Variants in PSKH2 observed in about 807,000 individuals in gnomAD.
PSKH2 encodes the protein protein serine kinase H2.
PSKH2 carries 16 observed loss-of-function variants against 22.5 expected under a neutral mutation model. The observed-to-expected ratio is 0.71, with a 90% CI of 0.48 to 1.08. The LOEUF (loss-of-function observed/expected upper bound fraction) is 1.08. PSKH2 is among the 50% of genes least tolerant of loss of function. The pLI, the probability that PSKH2 is intolerant of heterozygous loss-of-function variation, is 0.00. For missense variants in PSKH2, 516 were observed against 492.8 expected, an observed-to-expected ratio of 1.05 and a Z score of -0.44; for synonymous variants, 188 against 184.8, an observed-to-expected ratio of 1.02 and a Z score of -0.14.
intron 2 of PSKH2, among the ~76,000 whole-genome samples, chr8:86,057,490 G>T (rs1055696208): frequency 6.6e-6 from 1 of 151,948 alleles, no homozygotes; most frequent in South Asian, 2.1e-4. Context: ...GGGTTCAAGC[G>T]ATTCTCCTGC....
intron 1 of PSKH2, among the ~76,000 whole-genome samples, chr8:86,067,526 C>T (rs1432718953): frequency 6.6e-6 from 1 of 151,688 alleles, no homozygotes; most frequent in Non-Finnish European, 1.5e-5. Flanking sequence ...TACCCCTCCA[C>T]TCTCTTAAAG....
Position 86,048,502 on chromosome 8 carries a change from T to G in PSKH2, c.1118A>C (p.Asn373Thr). ...HKSRHMWSKR[N>T]LRIVESPLSA... is the part of the protein sequence containing the mutation. ...CAGTGGCGATTCTACTATCCTTAAGTTTCTCTTGCTCCACATATGCCTGGA... is the reference window on the plus strand; with the variant it reads ...CAGTGGCGATTCTACTATCCTTAAGGTTCTCTTGCTCCACATATGCCTGGA... Residue 373 changes from asparagine (N) to threonine (T), a missense_variant, in exon 3 of 3, where the codon AAC becomes ACC. By Grantham distance (65) the Asn-to-Thr change is moderately conservative (BLOSUM62 0). Transcript: ENST00000276616. The G allele has an allele frequency of 1.2e-6, 2 of 1,614,084 alleles. No individual in the cohort carries two copies. The highest frequency in any genetic ancestry group is 1.7e-6 in the Non-Finnish European group (2 of 1,179,960).
intron 1 of PSKH2, among the ~76,000 whole-genome samples, chr8:86,067,492 AG>A (rs1230620603): frequency 6.6e-6 from 1 of 151,468 alleles, no homozygotes; most frequent in Non-Finnish European, 1.5e-5. Context: ...TGCCTTTATA[AG>A]GTCTTTTCAT....
At chr8:86,048,844 A>G (rs985382523) in intron 2 of PSKH2, 77 bp from the exon 3 acceptor site, 2 of 1,251,676 alleles carry the variant, frequency 1.6e-6, no homozygotes, top group Middle Eastern at 2.8e-4. Context: ...TCCTATTCTT[A>G]ATTACATAGA....
chr8:86,048,535 G>A lies in PSKH2; in HGVS notation c.1085C>T (p.Ser362Phe). Residue 362 changes from serine (S) to phenylalanine (F), a missense_variant, in exon 3 of 3, where the codon TCT becomes TTT. Transcript: ENST00000276616. ...GSAQSSKSHY[S>F]HKSRHMWSKR... is the part of the protein sequence containing the mutation. Reference sequence around the variant, plus strand: ...GCTCCACATATGCCTGGATTTGTGAGAATAATGTGACTTAGAAGACTGTGC... The same window carrying A: ...GCTCCACATATGCCTGGATTTGTGAAAATAATGTGACTTAGAAGACTGTGC... The A allele has an allele frequency of 6.2e-7, 1 of 1,614,136 alleles. No homozygotes were observed. Among genetic ancestry groups the A allele is most frequent in the Non-Finnish European group, 8.5e-7 (1 of 1,179,988 alleles).
chr8:86,069,074 G>A (rs1229833076), intron 1 of PSKH2, among the ~76,000 whole-genome samples: 1 of 152,130 alleles, frequency 6.6e-6, no homozygotes, highest in Non-Finnish European at 1.5e-5. Context: ...TTTAAGCGCT[G>A]GGGTGAGCCA....
At chr8:86,054,603 C>T (rs1293515064) in intron 2 of PSKH2, among the ~76,000 whole-genome samples, 1 of 151,956 alleles carries the variant, frequency 6.6e-6, no homozygotes, top group Non-Finnish European at 1.5e-5. Flanking sequence ...ATTTTAAATG[C>T]TTTATCTTGA....
chr8:86,050,887 T>C (rs1367319642), intron 2 of PSKH2, among the ~76,000 whole-genome samples: 1 of 152,066 alleles, frequency 6.6e-6, no homozygotes, highest in African/African-American at 2.4e-5. Context: ...CCCTATTAAC[T>C]CTATGTTTTG....
At chr8:86,054,390 G>C (rs1817672579) in intron 2 of PSKH2, among the ~76,000 whole-genome samples, 1 of 152,102 alleles carries the variant, frequency 6.6e-6, no homozygotes, top group South Asian at 2.1e-4. Flanking sequence ...ACATTAGTGT[G>C]TGGTCTTGGT....
rs1163654480 is a variant in PSKH2 at position 86,048,156 on chromosome 8, T to C, written c.*306A>G. Reference sequence around the variant, plus strand: ...GGTTCACCATGCCTTCACATATACATCCCTTATTTCTATAGTATTGTATTT... The same window carrying C: ...GGTTCACCATGCCTTCACATATACACCCCTTATTTCTATAGTATTGTATTT... On this transcript the variant is annotated 3_prime_UTR_variant, in exon 3 of 3. Coordinates refer to ENST00000276616, the MANE Select transcript of PSKH2 (RefSeq NM_033126.3). Among the ~76,000 whole-genome samples the C allele has an allele frequency of 6.6e-6, 1 of 152,200 alleles. No homozygotes were observed. Among genetic ancestry groups the C allele is most frequent in the Non-Finnish European group, 1.5e-5 (1 of 68,030 alleles).
intron 2 of PSKH2, 122 bp from the exon 3 acceptor site, chr8:86,048,889 T>C: frequency 1.2e-6 from 1 of 833,148 alleles, no homozygotes; most frequent in Non-Finnish European, 1.8e-6. Flanking sequence ...CTTTTTCAAA[T>C]AAGCAGTTTT....
chr8:86,055,006 A>G (rs985093209), intron 2 of PSKH2, among the ~76,000 whole-genome samples: 1 of 152,192 alleles, frequency 6.6e-6, no homozygotes, highest in East Asian at 1.9e-4. Flanking sequence ...TTTGAACCCC[A>G]AATCAACAAA....
At chr8:86,056,996 G>T (rs10955713) in intron 2 of PSKH2, among the ~76,000 whole-genome samples, 70,689 of 150,754 alleles carry the variant, frequency 0.47, 16,842 homozygotes, top group Middle Eastern at 0.49. Context: ...GAGTGCAGTG[G>T]TGTGATCATA....
At chr8:86,063,922 C>A (rs1489665282) in intron 2 of PSKH2, 43 bp downstream of exon 2, 10 of 1,497,262 alleles carry the variant, frequency 6.7e-6, no homozygotes, top group Non-Finnish European at 8.2e-6. Flanking sequence ...GGAGAAGCCC[C>A]ACTCTAAACC....
At chr8:86,069,004 C>T (rs1329833851) in intron 1 of PSKH2, among the ~76,000 whole-genome samples, 2 of 152,006 alleles carry the variant, frequency 1.3e-5, no homozygotes, top group African/African-American at 4.8e-5. Flanking sequence ...CAATAGGAGT[C>T]GAGGCTTCTG....
rs148422779 is a variant in PSKH2 at position 86,064,342 on chromosome 8, C to T, written c.475G>A (p.Asp159Asn). The T allele has an allele frequency of 8.7e-6, 14 of 1,614,154 alleles. No homozygotes were observed. Among genetic ancestry groups the T allele is most frequent in the Non-Finnish European group, 1.2e-5 (14 of 1,180,032 alleles). The part of the protein sequence containing the change: ...LIAQGSFTER[D>N]AVRILQMVAD... ...ACCATCTGGAGGATCCTGACGGCAT[C>T]CCGCTCTGTAAAGGATCCCTGAGCA... The change falls in exon 2 of 3, where the codon GAT (aspartate) becomes AAT (asparagine). Residue 159 changes from aspartate to asparagine, a missense_variant. Coordinates refer to ENST00000276616, the MANE Select transcript of PSKH2 (RefSeq NM_033126.3).
intron 2 of PSKH2, among the ~76,000 whole-genome samples, chr8:86,062,960 G>A (rs139299911): frequency 2.6e-5 from 4 of 152,238 alleles, no homozygotes; most frequent in Non-Finnish European, 5.9e-5. Flanking sequence ...ACATTTTTGT[G>A]TTCATTTGCA....
intron 2 of PSKH2, among the ~76,000 whole-genome samples, chr8:86,060,856 TG>T (rs1236998631): frequency 6.6e-6 from 1 of 152,092 alleles, no homozygotes; most frequent in East Asian, 1.9e-4. Flanking sequence ...AAACAGAGGG[TG>T]CCTTGCACCT....
chr8:86,052,078 AT>A (rs1817639596), intron 2 of PSKH2, among the ~76,000 whole-genome samples: 1 of 152,226 alleles, frequency 6.6e-6, no homozygotes, highest in South Asian at 2.1e-4. Context: ...GTACATATCT[AT>A]TAATGAATAA....
Sources: allele counts gnomAD v4.1 joint callset (sites outside exome capture counted in the v4.1 genomes callset), GRCh38; gene constraint gnomAD v4.1.1; transcripts MANE v1.5; gene names NCBI Gene and HGNC (gene_info 2026-07-23, HGNC 2026-07-21).